PLXNA4: variants seen among roughly 807,000 people sequenced by gnomAD.
PLXNA4 encodes the protein plexin A4, also known as plexin-A4.
Under a neutral mutation model 191.8 loss-of-function variants are expected in PLXNA4, and 44 were observed. The ratio of observed to expected loss-of-function variants is 0.23; its 90% CI spans 0.18 to 0.29. The LOEUF (loss-of-function observed/expected upper bound fraction) is 0.29, where lower values mean the gene tolerates loss of function less well. PLXNA4 is among the 10% of genes least tolerant of loss of function. The pLI is 1.00. For missense variants in PLXNA4, 1,800 were observed against 2,488.8 expected (o/e 0.72, Z 5.89); for synonymous variants, 1,082 against 1,009.5 (o/e 1.07, Z -1.36).
intron 2 of PLXNA4, among the ~76,000 whole-genome samples, chr7:132,618,738 C>T (rs1047158675): frequency 1.3e-5 from 2 of 152,126 alleles, no homozygotes; most frequent in African/African-American, 4.8e-5. Context: ...GTTTAGCCCC[C>T]ATGAAATATT....
intron 4 of PLXNA4, among the ~76,000 whole-genome samples, chr7:132,286,389 T>C (rs576527053): frequency 1.3e-5 from 2 of 152,312 alleles, no homozygotes; most frequent in East Asian, 3.9e-4. Flanking sequence ...TCTTTAAAAA[T>C]GGCACTTAGA....
chr7:132,570,680 A>G (rs1044249376), intron 1 of PLXNA4, among the ~76,000 whole-genome samples: 1 of 152,248 alleles, frequency 6.6e-6, no homozygotes, highest in Non-Finnish European at 1.5e-5. Flanking sequence ...TCTACCCTGT[A>G]AGACCTCGGG....
chr7:132,302,238 T>C (rs1229074714), intron 3 of PLXNA4, among the ~76,000 whole-genome samples: 2 of 151,990 alleles, frequency 1.3e-5, no homozygotes, highest in Admixed American at 1.3e-4. Context: ...AGCAGGAAAA[T>C]GTGCAAATGA....
chr7:132,133,263 G>A (rs1584747534), intron 30 of PLXNA4, 64 bp from the exon 31 acceptor site: 22 of 1,582,394 alleles, frequency 1.4e-5, no homozygotes, highest in Non-Finnish European at 1.9e-5. Flanking sequence ...AGAGATGGAT[G>A]CTCCCAGCAC....
intron 3 of PLXNA4, among the ~76,000 whole-genome samples, chr7:132,371,337 C>T (rs1330866264): frequency 6.6e-6 from 1 of 152,152 alleles, no homozygotes; most frequent in South Asian, 2.1e-4. Flanking sequence ...TCTGAGATGG[C>T]CCAAGACCCT....
rs866146853 is a variant in PLXNA4 at position 132,124,259 on chromosome 7, A to G, written c.*6220T>C. The G allele has an allele frequency of 1.5e-4, 23 of 152,226 alleles. No individual in the cohort carries two copies. Among genetic ancestry groups the G allele is most frequent in the African/African-American group, 4.8e-4 (20 of 41,454 alleles). 9.4% of individuals were successfully genotyped at this position (152,226 alleles called of 1,614,324 possible). On this transcript the variant is annotated 3_prime_UTR_variant, in exon 32 of 32. Coordinates refer to ENST00000321063, the MANE Select transcript of PLXNA4 (RefSeq NM_020911.2). ...GCTAGCTTTTCATTTTAAGAACAGA[A>G]GGTTTAACAAGTCAACAAGCTAACT...
intron 21 of PLXNA4, among the ~76,000 whole-genome samples, chr7:132,169,783 A>G (rs957059243): frequency 1.3e-5 from 2 of 151,794 alleles, no homozygotes; most frequent in African/African-American, 4.8e-5. Flanking sequence ...GGGCATGTTC[A>G]CTTGGGGAAA....
At chr7:132,629,669 G>C (rs1189287962) in intron 2 of PLXNA4, among the ~76,000 whole-genome samples, 1 of 152,204 alleles carries the variant, frequency 6.6e-6, no homozygotes, top group Non-Finnish European at 1.5e-5. Flanking sequence ...CATGGACTGG[G>C]TTTAAACAAC....
At chr7:132,371,623 GC>G (rs1184522947) in intron 3 of PLXNA4, among the ~76,000 whole-genome samples, 1 of 152,182 alleles carries the variant, frequency 6.6e-6, no homozygotes, top group Admixed American at 6.5e-5. Context: ...AAGGGAAGCA[GC>G]CACTTGGGAG....
rs912762565 is a variant in PLXNA4 at position 132,210,878 on chromosome 7, A to G, written c.2298+65T>C. 9.0e-6 allele frequency: 14 copies of G among 1,550,230 alleles called. No homozygotes were observed. In the East Asian group the frequency reaches 2.3e-4, roughly 25 times the overall value. On this transcript the variant is annotated intron_variant, in intron 10 of 31. Transcript: ENST00000321063. ...AGGGCTGAGCTGATTTGGCTCCTAG[A>G]AGACAACAGTGATGTGGGTGGGACT...
chr7:132,433,880 G>A (rs901640400), intron 3 of PLXNA4, among the ~76,000 whole-genome samples: 2 of 152,124 alleles, frequency 1.3e-5, no homozygotes, highest in African/African-American at 4.8e-5. Flanking sequence ...GCAGAGGGGG[G>A]AAATTAGAAA....
chr7:132,542,481 T>C (rs1800127195), intron 1 of PLXNA4, among the ~76,000 whole-genome samples: 1 of 152,242 alleles, frequency 6.6e-6, no homozygotes, highest in African/African-American at 2.4e-5. Context: ...CAGGTCTGAA[T>C]GTAGATTTCT....
chr7:132,621,476 G>T (rs1803266276), intron 2 of PLXNA4, among the ~76,000 whole-genome samples: 2 of 151,960 alleles, frequency 1.3e-5, no homozygotes, highest in Non-Finnish European at 2.9e-5. Context: ...GGCCAGGATG[G>T]TCTCCATCTT....
intron 4 of PLXNA4, among the ~76,000 whole-genome samples, chr7:132,262,990 G>T (rs934221555): frequency 6.6e-6 from 1 of 152,152 alleles, no homozygotes; most frequent in African/African-American, 2.4e-5. Context: ...CTTACTAGGG[G>T]GGTTGAAGTC....
chr7:132,370,205 G>A (rs1804377350), intron 3 of PLXNA4, among the ~76,000 whole-genome samples: 1 of 152,198 alleles, frequency 6.6e-6, no homozygotes, highest in African/African-American at 2.4e-5. Flanking sequence ...TTAGCTCTGA[G>A]TGTAGAAAAT....
intron 3 of PLXNA4, among the ~76,000 whole-genome samples, chr7:132,366,461 C>T (rs1804189975): frequency 6.6e-6 from 1 of 151,976 alleles, no homozygotes. Flanking sequence ...GATGCGGAGG[C>T]TGCAGTGAGC....
At chr7:132,173,875 G>C (rs1796367771) in intron 21 of PLXNA4, among the ~76,000 whole-genome samples, 1 of 152,224 alleles carries the variant, frequency 6.6e-6, no homozygotes, top group Non-Finnish European at 1.5e-5. Flanking sequence ...GAGGCCTGTT[G>C]TTGGAAGCAA....
intron 3 of PLXNA4, among the ~76,000 whole-genome samples, chr7:132,441,621 T>A (rs1795702869): frequency 6.6e-6 from 1 of 152,268 alleles, no homozygotes; most frequent in African/African-American, 2.4e-5. Flanking sequence ...TAGGTAGTAA[T>A]GAATGGAATT....
intron 4 of PLXNA4, among the ~76,000 whole-genome samples, chr7:132,290,251 G>A (rs76471861): frequency 2.5e-3 from 382 of 152,364 alleles, no homozygotes; most frequent in African/African-American, 8.8e-3. Context: ...TGTGTTTGAG[G>A]CTTCTGGCTT....
Sources: allele counts gnomAD v4.1 joint callset (sites outside exome capture counted in the v4.1 genomes callset), GRCh38; gene constraint gnomAD v4.1.1; transcripts MANE v1.5; gene names NCBI Gene and HGNC (gene_info 2026-07-23, HGNC 2026-07-21).